RBM6: variants seen among roughly 807,000 people sequenced by gnomAD.
RBM6 encodes the protein RNA-binding protein 6.
Under a neutral mutation model 140.4 loss-of-function variants are expected in RBM6, and 23 were observed. The ratio of observed to expected loss-of-function variants is 0.16; its 90% CI spans 0.12 to 0.23. The LOEUF (loss-of-function observed/expected upper bound fraction) is 0.23, where lower values mean the gene tolerates loss of function less well. RBM6 is among the 10% of genes least tolerant of loss of function. RBM6 has a pLI of 1.00. For synonymous variants in RBM6, 439 were observed against 475.6 expected, an observed-to-expected ratio of 0.92 and a Z score of 1.00; for missense variants, 1,139 against 1,386.7, an observed-to-expected ratio of 0.82 and a Z score of 2.84.
intron 6 of RBM6, among the ~76,000 whole-genome samples, chr3:50,001,593 G>A (rs1472803332): frequency 2.0e-5 from 3 of 152,218 alleles, no homozygotes; most frequent in Non-Finnish European, 2.9e-5. Flanking sequence ...TAAGGGACTT[G>A]AGCATCCTGA....
rs1187556519 is a variant in RBM6, at chr3:49,967,417, G to A, written c.45-53G>A. ...TGATTAGAGAAGAATATGCTGGTGT[G>A]TAGATTTCAAACTCTCTGGACAATA... is the stretch of plus-strand genomic sequence containing the variant. On this transcript the variant is annotated intron_variant, in intron 2 of 20. Transcript: ENST00000266022. This position sits in a 1 kb window ranked among gnomAD's most constrained non-coding sequence, Gnocchi z 4.0. 6.4e-7 allele frequency: 1 copy of A among 1,564,754 alleles called. No homozygotes were observed. The highest frequency in any genetic ancestry group is 8.7e-7 in the Non-Finnish European group (1 of 1,156,068).
At chr3:50,019,584 G>A (rs1308690885) in intron 6 of RBM6, among the ~76,000 whole-genome samples, 2 of 151,736 alleles carry the variant, frequency 1.3e-5, no homozygotes, top group Non-Finnish European at 2.9e-5. Flanking sequence ...CCAGCTCTTG[G>A]GCCCAGGTGA....
At chr3:50,066,148 C>T in intron 16 of RBM6, 94 bp from the exon 17 acceptor site, 1 of 1,338,486 alleles carries the variant, frequency 7.5e-7, no homozygotes, top group Non-Finnish European at 1.0e-6. Flanking sequence ...GAACCCAATT[C>T]AATGAAATGA....
chr3:50,034,763 A>G (rs891864269), intron 6 of RBM6, among the ~76,000 whole-genome samples: 10 of 152,024 alleles, frequency 6.6e-5, no homozygotes, highest in Middle Eastern at 3.4e-3. Flanking sequence ...TCCGTCTCCA[A>G]AAAAAAAGGC....
intron 6 of RBM6, among the ~76,000 whole-genome samples, chr3:50,016,095 C>T (rs1428386060): frequency 1.3e-5 from 2 of 152,214 alleles, no homozygotes; most frequent in African/African-American, 4.8e-5. Flanking sequence ...CTCCTCCACC[C>T]GCCTTCTCCA....
intron 5 of RBM6, among the ~76,000 whole-genome samples, chr3:49,988,948 A>C (rs80189172): frequency 7.8e-6 from 1 of 128,848 alleles, no homozygotes; most frequent in Admixed American, 7.6e-5. Flanking sequence ...CTCCATCTCA[A>C]AAAAAAGAAA....
intron 5 of RBM6, among the ~76,000 whole-genome samples, chr3:49,985,257 G>T (rs2108684778): frequency 6.6e-6 from 1 of 152,284 alleles, no homozygotes; most frequent in Middle Eastern, 3.4e-3. Context: ...CTAGGCAGGG[G>T]AATTTATTTA....
intron 1 of RBM6, among the ~76,000 whole-genome samples, chr3:49,947,285 C>T (rs1215046679): frequency 1.6e-5 from 2 of 122,060 alleles, no homozygotes; most frequent in Non-Finnish European, 3.3e-5. Flanking sequence ...GGGTTTTGAG[C>T]TGGGTGTGCA....
chr3:50,063,138 C>T (rs2090003350), intron 15 of RBM6, among the ~76,000 whole-genome samples: 1 of 152,110 alleles, frequency 6.6e-6, no homozygotes, highest in Non-Finnish European at 1.5e-5. Context: ...AGTAAGCTTC[C>T]TGTCTCAGTC....
At chr3:50,061,784 G>A in intron 14 of RBM6, 178 bp from the exon 15 acceptor site, 1 of 1,266,240 alleles carries the variant, frequency 7.9e-7, no homozygotes. Context: ...AGTGGACAGT[G>A]GGTGGTCTGA....
At chr3:49,972,577 T>C (rs1308927705) in intron 4 of RBM6, among the ~76,000 whole-genome samples, 6 of 152,232 alleles carry the variant, frequency 3.9e-5, no homozygotes, top group East Asian at 1.9e-4. Context: ...TCTGAACTTA[T>C]GGCAGTGCTC....
chr3:50,024,857 G>A (rs1404888354), intron 6 of RBM6, among the ~76,000 whole-genome samples: 1 of 152,114 alleles, frequency 6.6e-6, no homozygotes, highest in Non-Finnish European at 1.5e-5. Flanking sequence ...GGAGGCTGAG[G>A]CAGGACACCT....
intron 5 of RBM6, among the ~76,000 whole-genome samples, chr3:49,998,775 T>G (rs1426699943): frequency 1.3e-5 from 2 of 152,216 alleles, no homozygotes; most frequent in African/African-American, 4.8e-5. Context: ...TTGGACATAG[T>G]TATTTGTACT....
intron 6 of RBM6, chr3:50,047,281 G>A (rs559973543): frequency 8.1e-6 from 8 of 985,360 alleles, no homozygotes; most frequent in African/African-American, 1.7e-5. Flanking sequence ...CCTAGAGGGC[G>A]GAGAATGAAC....
At chr3:49,957,946 C>G (rs1318204804) in intron 1 of RBM6, among the ~76,000 whole-genome samples, 1 of 151,960 alleles carries the variant, frequency 6.6e-6, no homozygotes, top group Non-Finnish European at 1.5e-5. Flanking sequence ...ATTTTCTTGC[C>G]TCAGGCTCCT....
intron 5 of RBM6, among the ~76,000 whole-genome samples, chr3:49,979,283 G>A (rs2085196826): frequency 1.3e-5 from 2 of 152,072 alleles, no homozygotes; most frequent in Admixed American, 6.6e-5. Flanking sequence ...AATGGGGAAC[G>A]ACTCCCTAAT....
rs183076556 is a variant in RBM6, at chr3:50,026,781, C to T, written c.1558-21464C>T. 3.5e-3 allele frequency among the ~76,000 whole-genome samples: 525 copies of T among 151,620 alleles called. 2 individuals are homozygous for T. Among genetic ancestry groups the T allele is most frequent in the African/African-American group, 0.012 (498 of 41,264 alleles). On this transcript the variant is annotated intron_variant, in intron 6 of 20. Coordinates refer to ENST00000266022, the MANE Select transcript of RBM6 (RefSeq NM_005777.3). ...TACAAAAATTAGGCAGGTGTGGTGG[C>T]GTGCACCTGTAGTCCCAGCTATTGG...
intron 5 of RBM6, among the ~76,000 whole-genome samples, chr3:49,980,185 A>G (rs970851143): frequency 4.6e-5 from 7 of 151,358 alleles, no homozygotes; most frequent in Non-Finnish European, 1.0e-4. Flanking sequence ...TATTTTTTTT[A>G]GTAGCGACAG....
At chr3:50,006,144 CTTTTTTTT>C (rs1169238410) in intron 6 of RBM6, among the ~76,000 whole-genome samples, 1 of 112,834 alleles carries the variant, frequency 8.9e-6, no homozygotes, top group Non-Finnish European at 1.8e-5. Context: ...CTGATTGAGA[CTTTTTTTT>C]TTTTTTTTTT....
Sources: gnomAD v4.1 joint callset for allele counts (sites outside exome capture counted in the v4.1 genomes callset) on GRCh38, gnomAD v4.1.1 for gene constraint, Gnocchi (gnomAD v3.1) non-coding constraint, MANE v1.5 for transcripts, NCBI Gene and HGNC (gene_info 2026-07-23, HGNC 2026-07-21) for gene names.